The following CALN1 variants were observed in gnomAD, a reference collection of about 807,000 sequenced individuals.
The protein encoded by CALN1 is calcium-binding protein 8.
In CALN1, 17 loss-of-function variants were observed where a neutral mutation model predicts 30.6. The observed-to-expected ratio is 0.56, with a 90% CI of 0.38 to 0.83. CALN1 has a LOEUF of 0.83. Among genes scored for constraint, CALN1 ranks in the 40% least tolerant of loss-of-function variants. CALN1 has a pLI of 0.00. For synonymous variants in CALN1, 156 were observed against 131.4 expected, an observed-to-expected ratio of 1.19 and a Z score of -1.28; for missense variants, 291 against 354.9, an observed-to-expected ratio of 0.82 and a Z score of 1.45.
Position 71,787,914 on chromosome 7 carries a change from A to G in CALN1, c.659-12T>C. The G allele has an allele frequency of 6.2e-7, 1 of 1,613,986 alleles. No homozygotes were observed. The highest frequency in any genetic ancestry group is 1.1e-5 in the South Asian group (1 of 91,082). On this transcript the variant is annotated splice_polypyrimidine_tract_variant and intron_variant, in intron 6 of 6. Coordinates refer to ENST00000395275, the MANE Select transcript of CALN1 (RefSeq NM_031468.4). ...CTTCTGGGAATGCACTGGTGGTGGG[A>G]GAAGCAGGTGTGGGAAGAAGGAAGA...
chr7:71,988,410 C>T (rs993639058), intron 5 of CALN1, among the ~76,000 whole-genome samples: 3 of 152,172 alleles, frequency 2.0e-5, no homozygotes, highest in South Asian at 2.1e-4. Flanking sequence ...ACAGAAACTG[C>T]GGCAGAGGCG....
chr7:71,964,328 T>G (rs1016321533), intron 5 of CALN1, among the ~76,000 whole-genome samples: 11 of 152,240 alleles, frequency 7.2e-5, no homozygotes, highest in Middle Eastern at 3.4e-3. Flanking sequence ...GGGTGAGTGT[T>G]TACAGCTCCT....
At chr7:71,960,873 G>C (rs1797215888) in intron 5 of CALN1, among the ~76,000 whole-genome samples, 1 of 152,146 alleles carries the variant, frequency 6.6e-6, no homozygotes, top group African/African-American at 2.4e-5. Context: ...GTGGAGTGCA[G>C]TGGCTCAATC....
At chr7:72,048,558 T>A (rs189740234) in intron 4 of CALN1, among the ~76,000 whole-genome samples, 1 of 152,312 alleles carries the variant, frequency 6.6e-6, no homozygotes, top group East Asian at 1.9e-4. Flanking sequence ...TTAGACTTCA[T>A]ATACTCCTCT....
At chr7:72,130,321 T>C (rs991824671) in intron 3 of CALN1, among the ~76,000 whole-genome samples, 1 of 152,176 alleles carries the variant, frequency 6.6e-6, no homozygotes, top group Non-Finnish European at 1.5e-5. Context: ...GGATTTTATA[T>C]CCTGATGTGG....
chr7:72,463,857 G>T, the CALN1 span, among the ~76,000 whole-genome samples: 1 of 151,858 alleles, frequency 6.6e-6, no homozygotes, highest in Non-Finnish European at 1.5e-5. Context: ...CACTTTTCCT[G>T]GCCTGGCCTG....
At chr7:72,105,669 C>G (rs951445054) in intron 4 of CALN1, among the ~76,000 whole-genome samples, 9 of 150,310 alleles carry the variant, frequency 6.0e-5, no homozygotes, top group Non-Finnish European at 1.0e-4. Context: ...GAATTGTGCA[C>G]TTTAAATGTG....
chr7:72,043,980 C>G (rs1167168307), intron 4 of CALN1, among the ~76,000 whole-genome samples: 1 of 152,114 alleles, frequency 6.6e-6, no homozygotes, highest in East Asian at 1.9e-4. Flanking sequence ...TTAAAACCAT[C>G]AGATCTTGTG....
chr7:72,411,492 CAATT>C (rs71069069), intron 1 of CALN1, among the ~76,000 whole-genome samples: 2,781 of 152,214 alleles, frequency 0.018, 39 homozygotes, highest in Non-Finnish European at 0.03. Context: ...ACTGTGAACT[CAATT>C]TATTTTTGTC....
At chr7:72,217,240 G>A (rs534098042) in intron 3 of CALN1, among the ~76,000 whole-genome samples, 2 of 152,148 alleles carry the variant, frequency 1.3e-5, no homozygotes, top group East Asian at 3.9e-4. Flanking sequence ...AGGGTTCCTG[G>A]AGACCAAGCA....
At chr7:72,182,920 T>C (rs911628122) in intron 3 of CALN1, among the ~76,000 whole-genome samples, 8 of 152,076 alleles carry the variant, frequency 5.3e-5, no homozygotes, top group African/African-American at 1.9e-4. Context: ...CAGAGGAAGG[T>C]CGAACGGGAC....
chr7:71,959,917 T>C lies in CALN1; in HGVS notation c.501+63740A>G, dbSNP rs560023808. 3.9e-5 allele frequency among the ~76,000 whole-genome samples: 6 copies of C among 152,154 alleles called. No individual in the cohort carries two copies. In the East Asian group the frequency reaches 1.2e-3, roughly 29 times the overall value. On this transcript the variant is annotated intron_variant, in intron 5 of 6. Transcript: ENST00000395275. ...GGGAGGCCGAGGCGGGCAGATCACC[T>C]GAGGTCAGGAGTTTGAGATCAGTCT...
chr7:71,909,896 G>C (rs754494944), intron 5 of CALN1, among the ~76,000 whole-genome samples: 5 of 152,142 alleles, frequency 3.3e-5, no homozygotes, highest in African/African-American at 4.8e-5. Flanking sequence ...CCTAAGACTG[G>C]GTAATTTATA....
At chr7:72,496,022 G>C in the CALN1 span, among the ~76,000 whole-genome samples, 1 of 152,228 alleles carries the variant, frequency 6.6e-6, no homozygotes, top group South Asian at 2.1e-4. Context: ...CCAGGTTCAA[G>C]AGATTCTCCT....
intron 2 of CALN1, among the ~76,000 whole-genome samples, chr7:72,291,892 A>G (rs2129554933): frequency 6.6e-6 from 1 of 152,172 alleles, no homozygotes; most frequent in Admixed American, 6.6e-5. Flanking sequence ...GATTACAGAC[A>G]TGAGCCACCG....
chr7:71,833,081 T>G (rs1011524768), intron 5 of CALN1, among the ~76,000 whole-genome samples: 1 of 152,232 alleles, frequency 6.6e-6, no homozygotes, highest in Non-Finnish European at 1.5e-5. Context: ...TGACGTGTCC[T>G]TCTCCAAAGT....
chr7:72,307,410 C>T (rs894693702), intron 2 of CALN1, among the ~76,000 whole-genome samples: 2 of 152,182 alleles, frequency 1.3e-5, no homozygotes, highest in African/African-American at 4.8e-5. Context: ...ACTGAGGGCA[C>T]ACCCTACGAA....
At chr7:72,318,024 G>T (rs1307250001) in intron 2 of CALN1, among the ~76,000 whole-genome samples, 2 of 152,096 alleles carry the variant, frequency 1.3e-5, no homozygotes, top group Non-Finnish European at 2.9e-5. Context: ...ATTTCTGATT[G>T]AGCGTCTATG....
chr7:72,399,790 A>T (rs1258983945), intron 2 of CALN1, among the ~76,000 whole-genome samples: 6 of 152,174 alleles, frequency 3.9e-5, no homozygotes, highest in Non-Finnish European at 8.8e-5. Context: ...TTGGAATGTG[A>T]TTCCGTGTTG....
Sources: gnomAD v4.1 joint callset for allele counts (sites outside exome capture counted in the v4.1 genomes callset) on GRCh38, gnomAD v4.1.1 for gene constraint, MANE v1.5 for transcripts, NCBI Gene and HGNC (gene_info 2026-07-23, HGNC 2026-07-21) for gene names.